The following CTNND2 variants were observed in gnomAD, a reference collection of about 807,000 sequenced individuals.
The protein encoded by CTNND2 is catenin delta 2.
In CTNND2, 22 loss-of-function variants were observed where a neutral mutation model predicts 144.4. The observed-to-expected ratio is 0.15, with a 90% CI of 0.11 to 0.22. The LOEUF is 0.22. Among genes scored for constraint, CTNND2 ranks in the 10% least tolerant of loss-of-function variants. CTNND2 has a pLI of 1.00. For missense variants in CTNND2, 1,353 were observed against 1,618.8 expected (o/e 0.84, Z 2.82); for synonymous variants, 751 against 695.6 (o/e 1.08, Z -1.25).
intron 1 of CTNND2, among the ~76,000 whole-genome samples, chr5:11,733,631 AT>A (rs1430679457): frequency 8.5e-5 from 13 of 152,232 alleles, no homozygotes; most frequent in African/African-American, 2.9e-4. Context: ...CTTAGTTAGT[AT>A]TGTGAAATAC....
At chr5:11,309,237 T>C (rs1215893384) in intron 9 of CTNND2, among the ~76,000 whole-genome samples, 1 of 152,170 alleles carries the variant, frequency 6.6e-6, no homozygotes, top group Admixed American at 6.5e-5. Context: ...CACTGATAGC[T>C]TGCACTGTGC....
At chr5:11,740,961 G>GA (rs1182343279) in intron 1 of CTNND2, among the ~76,000 whole-genome samples, 5 of 152,272 alleles carry the variant, frequency 3.3e-5, no homozygotes, top group Admixed American at 1.3e-4. Flanking sequence ...ACAGACACAT[G>GA]AAAAAATTCT....
At chr5:11,436,496 G>A (rs1228699661) in intron 3 of CTNND2, among the ~76,000 whole-genome samples, 3 of 152,148 alleles carry the variant, frequency 2.0e-5, no homozygotes, top group Non-Finnish European at 4.4e-5. Flanking sequence ...TCCTCATCAT[G>A]CACAGTATTT....
intron 1 of CTNND2, among the ~76,000 whole-genome samples, chr5:11,763,618 A>G (rs1789404287): frequency 6.6e-6 from 1 of 152,254 alleles, no homozygotes; most frequent in Non-Finnish European, 1.5e-5. Context: ...TAGAGAATTC[A>G]GAGGAAATGG....
At chr5:11,162,116 G>A (rs962848824) in intron 11 of CTNND2, among the ~76,000 whole-genome samples, 6 of 151,632 alleles carry the variant, frequency 4.0e-5, no homozygotes, top group African/African-American at 2.4e-5. Flanking sequence ...TCGTGCCACT[G>A]TACTCCAGCC....
At chr5:11,533,698 C>T (rs939505113) in intron 3 of CTNND2, among the ~76,000 whole-genome samples, 1 of 152,216 alleles carries the variant, frequency 6.6e-6, no homozygotes, top group Non-Finnish European at 1.5e-5. Context: ...CCAATTTTTA[C>T]AATCAATGGA....
At chr5:11,255,163 T>C (rs765661772) in intron 9 of CTNND2, among the ~76,000 whole-genome samples, 1 of 152,354 alleles carries the variant, frequency 6.6e-6, no homozygotes, top group African/African-American at 2.4e-5. Flanking sequence ...TTACTGCCTA[T>C]TGTATGATTT....
intron 10 of CTNND2, among the ~76,000 whole-genome samples, chr5:11,233,914 G>A (rs1359448910): frequency 6.6e-6 from 1 of 152,076 alleles, no homozygotes; most frequent in African/African-American, 2.4e-5. Context: ...GGATCAGGGT[G>A]CGCACTCAGT....
intron 9 of CTNND2, among the ~76,000 whole-genome samples, chr5:11,278,224 C>T (rs1359994237): frequency 1.3e-5 from 2 of 152,246 alleles, no homozygotes; most frequent in Non-Finnish European, 2.9e-5. Flanking sequence ...CTACCCACTA[C>T]AGATAAGCTT....
chr5:11,866,132 G>A (rs1215781443), intron 1 of CTNND2, among the ~76,000 whole-genome samples: 2 of 152,084 alleles, frequency 1.3e-5, no homozygotes, highest in South Asian at 2.1e-4. Context: ...GAAAGACCTC[G>A]TCTCTACAAA....
intron 3 of CTNND2, among the ~76,000 whole-genome samples, chr5:11,559,863 C>CTA (rs1776548498): frequency 6.6e-6 from 1 of 152,198 alleles, no homozygotes; most frequent in African/African-American, 2.4e-5. Flanking sequence ...GCCAGCTCTG[C>CTA]TAGAGAAGTT....
chr5:11,035,205 C>A (rs1334218309), intron 16 of CTNND2, among the ~76,000 whole-genome samples: 1 of 152,058 alleles, frequency 6.6e-6, no homozygotes, highest in African/African-American at 2.4e-5. Context: ...CACAGTTCTG[C>A]AGGTTAGAAG....
intron 3 of CTNND2, among the ~76,000 whole-genome samples, chr5:11,510,292 A>G (rs1472680162): frequency 6.6e-6 from 1 of 152,104 alleles, no homozygotes; most frequent in Non-Finnish European, 1.5e-5. Context: ...CTTGGCAACT[A>G]AAAAATATGA....
intron 2 of CTNND2, among the ~76,000 whole-genome samples, chr5:11,646,758 A>G (rs1350377021): frequency 6.6e-6 from 1 of 152,174 alleles, no homozygotes; most frequent in African/African-American, 2.4e-5. Context: ...CTTCCTGATC[A>G]TGGCACAGGA....
intron 3 of CTNND2, among the ~76,000 whole-genome samples, chr5:11,536,127 T>C (rs1235383578): frequency 1.3e-5 from 2 of 152,208 alleles, no homozygotes. Context: ...GCAGTGTCAC[T>C]ATCATAGCCC....
At chr5:11,355,007 A>C (rs1370610150) in intron 8 of CTNND2, among the ~76,000 whole-genome samples, 2 of 152,198 alleles carry the variant, frequency 1.3e-5, no homozygotes, top group African/African-American at 4.8e-5. Context: ...CAACAATTTA[A>C]TGAAATTAAA....
rs75324133 is a variant in CTNND2, at chr5:11,219,632, G to C, written c.1761+17059C>G. Among the ~76,000 whole-genome samples the C allele has an allele frequency of 7.0e-3, 1,068 of 152,238 alleles. 6 individuals carry two copies. The highest frequency in any genetic ancestry group is 9.9e-3 in the Non-Finnish European group (670 of 68,018). ...GGATGGTCCCAGTGTCATCACAAGA[G>C]TCCTTATAAGAAGAAAGCAGAGAGA... On this transcript the variant is annotated intron_variant, in intron 10 of 21. Transcript: ENST00000304623.
At chr5:11,355,049 A>G (rs76876504) in intron 8 of CTNND2, among the ~76,000 whole-genome samples, 3,758 of 152,304 alleles carry the variant, frequency 0.025, 62 homozygotes, top group Non-Finnish European at 0.039. Flanking sequence ...GTGACAAATG[A>G]GGATGGAAAC....
intron 2 of CTNND2, among the ~76,000 whole-genome samples, chr5:11,625,077 C>T (rs543880865): frequency 6.6e-6 from 1 of 152,158 alleles, no homozygotes; most frequent in African/African-American, 2.4e-5. Flanking sequence ...AAGATATGAC[C>T]ACATGGCTGA....
Sources: allele counts gnomAD v4.1 joint callset (sites outside exome capture counted in the v4.1 genomes callset), GRCh38; gene constraint gnomAD v4.1.1; transcripts MANE v1.5; gene names NCBI Gene and HGNC (gene_info 2026-07-23, HGNC 2026-07-21).